The following OPCML variants were observed in gnomAD, a reference collection of about 807,000 sequenced individuals.
OPCML encodes opioid binding protein/cell adhesion molecule like.
A neutral mutation model predicts 37.8 loss-of-function variants in OPCML; 13 were observed. The ratio of observed to expected loss-of-function variants is 0.34; its 90% CI spans 0.22 to 0.55. OPCML has a LOEUF of 0.55. Ranked by LOEUF, OPCML falls within the 20% of genes least tolerant of loss-of-function variation. The pLI, the probability that OPCML is intolerant of heterozygous loss-of-function variation, is 0.91. For missense variants in OPCML, 341 were observed against 435.6 expected (o/e 0.78, Z 1.93); for synonymous variants, 176 against 168.8 (o/e 1.04, Z -0.33).
At chr11:132,853,934 G>A (rs1373058668) in intron 2 of OPCML, among the ~76,000 whole-genome samples, 3 of 152,088 alleles carry the variant, frequency 2.0e-5, no homozygotes, top group Non-Finnish European at 4.4e-5. Context: ...GTGTTCAATG[G>A]TGTCCTACCA....
chr11:133,017,823 CT>C (rs1947362800), intron 1 of OPCML, among the ~76,000 whole-genome samples: 1 of 152,240 alleles, frequency 6.6e-6, no homozygotes, highest in Non-Finnish European at 1.5e-5. Flanking sequence ...AACATACACA[CT>C]CTAGGAGTGA....
At chr11:133,282,023 AC>A (rs764363019) in intron 1 of OPCML, among the ~76,000 whole-genome samples, 110 of 150,900 alleles carry the variant, frequency 7.3e-4, no homozygotes, top group South Asian at 1.7e-3. Flanking sequence ...AACAACAACA[AC>A]AAAAAAAAAC....
At chr11:132,497,108 G>A (rs191415209) in intron 4 of OPCML, among the ~76,000 whole-genome samples, 15 of 152,264 alleles carry the variant, frequency 9.9e-5, no homozygotes, top group Admixed American at 2.6e-4. Context: ...GGATGGAGCT[G>A]AAACCCATTA....
At chr11:132,422,843 T>C (rs755454103) in intron 7 of OPCML, among the ~76,000 whole-genome samples, 15 of 152,172 alleles carry the variant, frequency 9.9e-5, no homozygotes, top group Non-Finnish European at 1.8e-4. Context: ...TGTGCAGGTT[T>C]TCCAGGGACC....
At chr11:132,973,170 TC>T (rs1331240613) in intron 1 of OPCML, among the ~76,000 whole-genome samples, 6 of 152,214 alleles carry the variant, frequency 3.9e-5, no homozygotes. Context: ...TCTGGCTCCA[TC>T]CTGGCCTAGA....
chr11:132,807,878 A>C (rs889500002), intron 2 of OPCML, among the ~76,000 whole-genome samples: 1 of 152,216 alleles, frequency 6.6e-6, no homozygotes, highest in Non-Finnish European at 1.5e-5. Context: ...CTCTAGCCTG[A>C]AGAGGAAATT....
intron 1 of OPCML, among the ~76,000 whole-genome samples, chr11:133,154,678 T>C (rs1296942386): frequency 6.6e-6 from 1 of 151,936 alleles, no homozygotes; most frequent in Non-Finnish European, 1.5e-5. Flanking sequence ...GAAAATACTA[T>C]CAAAATATGT....
At chr11:132,761,514 C>T (rs1184709911) in intron 2 of OPCML, among the ~76,000 whole-genome samples, 6 of 151,938 alleles carry the variant, frequency 3.9e-5, no homozygotes, top group South Asian at 4.2e-4. Flanking sequence ...CCTTTTTATT[C>T]TTTTTTCTCT....
chr11:133,246,706 C>T (rs780177894), intron 1 of OPCML, among the ~76,000 whole-genome samples: 2 of 152,092 alleles, frequency 1.3e-5, no homozygotes, highest in Admixed American at 6.5e-5. Context: ...AACTTTTCAA[C>T]GTTTTTTGAG....
intron 1 of OPCML, among the ~76,000 whole-genome samples, chr11:133,252,831 G>A (rs1465605291): frequency 6.6e-6 from 1 of 152,102 alleles, no homozygotes; most frequent in African/African-American, 2.4e-5. Flanking sequence ...CAGATTATGT[G>A]AATCCCAGGT....
intron 2 of OPCML, among the ~76,000 whole-genome samples, chr11:132,785,410 T>G (rs1947175572): frequency 6.6e-6 from 1 of 152,188 alleles, no homozygotes; most frequent in Non-Finnish European, 1.5e-5. Flanking sequence ...ATTTTACCCT[T>G]ATGAACTTGG....
chr11:132,499,596 C>T (rs147572323), intron 4 of OPCML, among the ~76,000 whole-genome samples: 1 of 152,314 alleles, frequency 6.6e-6, no homozygotes, highest in East Asian at 1.9e-4. Flanking sequence ...AGCTCAAAGT[C>T]TGGAACTTGC....
chr11:132,886,880 A>G (rs1943443317), intron 2 of OPCML, among the ~76,000 whole-genome samples: 2 of 152,104 alleles, frequency 1.3e-5, no homozygotes, highest in South Asian at 2.1e-4. Context: ...ACATCCCAGA[A>G]CGCCATCGTG....
At chr11:132,907,938 T>G (rs59467655) in intron 2 of OPCML, among the ~76,000 whole-genome samples, 16,450 of 152,092 alleles carry the variant, frequency 0.11, 1,206 homozygotes, top group African/African-American at 0.19. Flanking sequence ...CCATGGTAGG[T>G]CTGAGAGATG....
intron 1 of OPCML, among the ~76,000 whole-genome samples, chr11:133,089,455 T>A (rs1948871199): frequency 6.6e-6 from 1 of 152,222 alleles, no homozygotes; most frequent in Non-Finnish European, 1.5e-5. Context: ...GCATTAATTG[T>A]ATTAACTAAT....
chr11:132,426,508 C>T (rs999376783), intron 7 of OPCML, among the ~76,000 whole-genome samples: 5 of 152,076 alleles, frequency 3.3e-5, no homozygotes, highest in South Asian at 4.1e-4. Flanking sequence ...GGCACGATCT[C>T]GGCTGAATCT....
intron 1 of OPCML, among the ~76,000 whole-genome samples, chr11:133,364,677 G>A (rs762479079): frequency 1.1e-4 from 16 of 152,272 alleles, no homozygotes; most frequent in Non-Finnish European, 1.2e-4. Flanking sequence ...GTCATGTACT[G>A]AAAAATAAAC....
chr11:133,252,180 A>G (rs940034391), intron 1 of OPCML, among the ~76,000 whole-genome samples: 1 of 152,208 alleles, frequency 6.6e-6, no homozygotes, highest in Non-Finnish European at 1.5e-5. Flanking sequence ...TTAATTCCTA[A>G]TGGAAATTTC....
intron 1 of OPCML, among the ~76,000 whole-genome samples, chr11:133,047,943 G>A (rs192000132): frequency 2.0e-4 from 30 of 152,186 alleles, no homozygotes; most frequent in African/African-American, 6.5e-4. Context: ...GCTATGGCCA[G>A]GGCACTGCGA....
Sources: gnomAD v4.1 joint callset for allele counts (sites outside exome capture counted in the v4.1 genomes callset) on GRCh38, gnomAD v4.1.1 for gene constraint, MANE v1.5 for transcripts, NCBI Gene and HGNC (gene_info 2026-07-23, HGNC 2026-07-21) for gene names.